Variants in C12orf56 observed in about 807,000 individuals in gnomAD.
C12orf56 encodes the protein chromosome 12 open reading frame 56.
In C12orf56, 71 loss-of-function variants were observed where a neutral mutation model predicts 69.9. That is an observed-to-expected ratio of 1.02 (90% CI 0.84 to 1.24). The LOEUF is 1.24. Ranked by LOEUF, C12orf56 falls within the 50% of genes most tolerant of loss-of-function variation. The pLI is 0.00. For synonymous variants in C12orf56, 276 were observed against 274.1 expected (o/e 1.01, Z -0.07); for missense variants, 732 against 738.5 (o/e 0.99, Z 0.10).
intron 2 of C12orf56, chr12:64,338,836 A>G (rs1254962988): frequency 2.8e-5 from 25 of 882,636 alleles, no homozygotes; most frequent in Non-Finnish European, 4.5e-5. Context: ...GCTCGAGTTT[A>G]GGTTTGAAGG....
chr12:64,317,225 T>A (rs1391236171), intron 4 of C12orf56, among the ~76,000 whole-genome samples: 1 of 152,158 alleles, frequency 6.6e-6, no homozygotes, highest in Non-Finnish European at 1.5e-5. Flanking sequence ...TAATTTTTCA[T>A]AATTTTTAGC....
In C12orf56 at chr12:64,390,500, C is replaced by T; in HGVS notation, c.66G>A (p.Arg22=). Reference sequence around the variant, plus strand: ...CGTAGACCTCGGGCGGCAGATGCCGCCGCAGGAACACATCCAGGCGGCTGT... The same window carrying T: ...CGTAGACCTCGGGCGGCAGATGCCGTCGCAGGAACACATCCAGGCGGCTGT... The part of the protein sequence containing the change: ...RRNSRLDVFL[R]RHLPPEVYDA... The change falls in exon 1 of 13, where the codon CGG becomes CGA. Residue 22 remains arginine, a synonymous_variant. Coordinates refer to ENST00000543942, the MANE Select transcript of C12orf56 (RefSeq NM_001170633.2). 1 of 1,601,548 alleles carries T rather than the reference C, an allele frequency of 6.2e-7. No individual in the cohort carries two copies. Among genetic ancestry groups the T allele is most frequent in the Non-Finnish European group, 8.5e-7 (1 of 1,179,528 alleles).
chr12:64,276,993 T>TAAAAAAAAAAAAAAAAAAAAA lies in C12orf56; in HGVS notation c.1434+666_1434+686dup, dbSNP rs200351319. Reference sequence around the variant, plus strand: ...TGGGCAACAGAGTGAAACCCTTTCTTAAAAAAAAAAAAAAAAAAAAAAATT... The same window carrying TAAAAAAAAAAAAAAAAAAAAA: ...TGGGCAACAGAGTGAAACCCTTTCTTAAAAAAAAAAAAAAAAAAAAAAAAAAAAAAAAAAAAAAAAAAAATT... On this transcript the variant is annotated intron_variant, in intron 9 of 12. Coordinates refer to ENST00000543942, the MANE Select transcript of C12orf56 (RefSeq NM_001170633.2). Among the ~76,000 whole-genome samples the TAAAAAAAAAAAAAAAAAAAAA allele has an allele frequency of 1.7e-4, 12 of 69,216 alleles. 1 individual carries two copies. The highest frequency in any genetic ancestry group is 6.9e-4 in the African/African-American group (12 of 17,388). The allele number at this position is 69,216 out of a possible 152,430, so 45.4% of individuals were successfully genotyped here.
chr12:64,335,732 G>C (rs2038988526), intron 2 of C12orf56, among the ~76,000 whole-genome samples: 1 of 151,988 alleles, frequency 6.6e-6, no homozygotes, highest in Admixed American at 6.6e-5. Context: ...AGAAAAGTTG[G>C]GTCTAATTAG....
chr12:64,298,188 A>T (rs1389650434), intron 6 of C12orf56, among the ~76,000 whole-genome samples: 1 of 152,026 alleles, frequency 6.6e-6, no homozygotes, highest in African/African-American at 2.4e-5. Context: ...TCTTCTTTTG[A>T]GAAGTGTCTG....
intron 8 of C12orf56, among the ~76,000 whole-genome samples, chr12:64,282,807 T>C (rs2038148750): frequency 6.6e-6 from 1 of 150,526 alleles, no homozygotes; most frequent in African/African-American, 2.4e-5. Context: ...AGTATGCCCA[T>C]AGTCCCTGGC....
At chr12:64,338,033 CAG>C in intron 2 of C12orf56, 1 of 250,390 alleles carries the variant, frequency 4.0e-6, no homozygotes, top group Non-Finnish European at 7.7e-6. Context: ...GCATTAGTGA[CAG>C]AGGGGCATCA....
intron 8 of C12orf56, among the ~76,000 whole-genome samples, chr12:64,284,247 A>G (rs180751820): frequency 4.2e-4 from 64 of 152,286 alleles, no homozygotes; most frequent in Middle Eastern, 3.4e-3. Flanking sequence ...TAAACTCTCC[A>G]AAGTCATTTA....
intron 1 of C12orf56, among the ~76,000 whole-genome samples, chr12:64,385,299 C>T (rs2039774729): frequency 1.3e-5 from 2 of 152,178 alleles, no homozygotes; most frequent in South Asian, 4.1e-4. Flanking sequence ...CACTTGTACC[C>T]TTCTTCAAAA....
At chr12:64,308,943 G>GAAAGAAAGAAA (rs1565748983) in intron 5 of C12orf56, among the ~76,000 whole-genome samples, 478 of 33,442 alleles carry the variant, frequency 0.014, 8 homozygotes, top group African/African-American at 0.037. Context: ...AAAGAAAGAA[G>GAAAGAAAGAAA]AAAGAAAGAA....
chr12:64,307,728 G>A (rs966030234), intron 5 of C12orf56, among the ~76,000 whole-genome samples: 1 of 152,132 alleles, frequency 6.6e-6, no homozygotes, highest in South Asian at 2.1e-4. Context: ...ACAGCTGGGC[G>A]TGGTGGCCCA....
chr12:64,358,489 ATCATCATCATCATC>A, intron 1 of C12orf56, among the ~76,000 whole-genome samples: 1 of 87,276 alleles, frequency 1.1e-5, no homozygotes, highest in Admixed American at 1.3e-4. Flanking sequence ...AATAATCATC[ATCATCATCATCATC>A]ATCATCTTGG....
intron 1 of C12orf56, among the ~76,000 whole-genome samples, chr12:64,386,380 A>ATT (rs1277772663): frequency 5.4e-5 from 6 of 111,978 alleles, no homozygotes; most frequent in South Asian, 5.9e-4. Context: ...CTGCTGGCTA[A>ATT]TTTTTATATA....
chr12:64,273,669 C>T (rs1406667515), intron 11 of C12orf56, among the ~76,000 whole-genome samples: 1 of 152,200 alleles, frequency 6.6e-6, no homozygotes, highest in Non-Finnish European at 1.5e-5. Flanking sequence ...CACTGCATGT[C>T]CCAGAGGGGT....
chr12:64,266,754 C>G lies in C12orf56; in HGVS notation c.*429G>C. On this transcript the variant is annotated 3_prime_UTR_variant, in exon 13 of 13. Transcript: ENST00000543942. ...CCATGCCTCAGGCCCCCACACTCCC[C>G]GGCATCCTATTGCTTAAGCAACAGA... is the stretch of plus-strand genomic sequence containing the variant. 1 of 336,580 alleles carries G rather than the reference C, an allele frequency of 3.0e-6. No individual in the cohort carries two copies. Among genetic ancestry groups the G allele is most frequent in the Non-Finnish European group, 5.6e-6 (1 of 177,526 alleles). 20.8% of individuals were successfully genotyped at this position (336,580 alleles called of 1,614,324 possible). A position where few individuals can be genotyped will look rare whatever the true frequency, so the allele number is the denominator to read the frequency against.
At chr12:64,323,306 A>G (rs1050312301) in intron 3 of C12orf56, among the ~76,000 whole-genome samples, 4 of 152,138 alleles carry the variant, frequency 2.6e-5, no homozygotes, top group Admixed American at 1.3e-4. Flanking sequence ...TTTGCTCACC[A>G]TTGTATTCAT....
chr12:64,368,071 G>T (rs1350091572), intron 1 of C12orf56, among the ~76,000 whole-genome samples: 2 of 152,106 alleles, frequency 1.3e-5, no homozygotes, highest in Admixed American at 1.3e-4. Context: ...GCCTCCCAAA[G>T]TACTGGGATT....
At chr12:64,334,977 A>C (rs6421213) in intron 2 of C12orf56, among the ~76,000 whole-genome samples, 68,165 of 152,002 alleles carry the variant, frequency 0.45, 15,643 homozygotes, top group African/African-American at 0.54. Context: ...GAAAAGCCCA[A>C]TGGCCACAGG....
At chr12:64,318,286 T>C (rs547979369) in intron 4 of C12orf56, among the ~76,000 whole-genome samples, 5 of 152,122 alleles carry the variant, frequency 3.3e-5, no homozygotes, top group Non-Finnish European at 5.9e-5. Context: ...TGGTCTCGAA[T>C]TTCTGACCTC....
Sources: gnomAD v4.1 joint callset for allele counts (sites outside exome capture counted in the v4.1 genomes callset) on GRCh38, gnomAD v4.1.1 for gene constraint, MANE v1.5 for transcripts, NCBI Gene and HGNC (gene_info 2026-07-23, HGNC 2026-07-21) for gene names.